MAGI1: variants seen among roughly 807,000 people sequenced by gnomAD.
MAGI1 encodes the protein membrane-associated guanylate kinase, WW and PDZ domain-containing protein 1.
MAGI1 carries 58 observed loss-of-function variants against 139.9 expected under a neutral mutation model. The observed-to-expected ratio is 0.41, with a 90% CI of 0.34 to 0.52. The LOEUF is 0.52. MAGI1 is among the 20% of genes least tolerant of loss of function. The pLI is 0.12. For missense variants in MAGI1, 1,874 were observed against 1,901.6 expected (o/e 0.99, Z 0.27); for synonymous variants, 812 against 737.9 (o/e 1.10, Z -1.63).
At chr3:65,670,459 G>A (rs1242232253) in intron 1 of MAGI1, among the ~76,000 whole-genome samples, 1 of 151,428 alleles carries the variant, frequency 6.6e-6, no homozygotes, top group South Asian at 2.1e-4. Context: ...CTTTTATGTA[G>A]GTTTCATGAA....
At chr3:65,820,036 C>A (rs2041859148) in intron 1 of MAGI1, among the ~76,000 whole-genome samples, 1 of 143,200 alleles carries the variant, frequency 7.0e-6, no homozygotes, top group African/African-American at 2.5e-5. Flanking sequence ...TCCCACTGGA[C>A]AACTGGGATG....
At chr3:65,524,272 T>A (rs1559636382) in intron 2 of MAGI1, among the ~76,000 whole-genome samples, 1 of 152,198 alleles carries the variant, frequency 6.6e-6, no homozygotes, top group Non-Finnish European at 1.5e-5. Flanking sequence ...CTGGAAACGA[T>A]GGAGTCTCTC....
chr3:65,532,255 TC>T (rs1208529588), intron 2 of MAGI1, among the ~76,000 whole-genome samples: 1 of 152,208 alleles, frequency 6.6e-6, no homozygotes, highest in Non-Finnish European at 1.5e-5. Flanking sequence ...TTCTCTATGA[TC>T]TCACTCCTGC....
intron 1 of MAGI1, among the ~76,000 whole-genome samples, chr3:65,744,219 A>G (rs2035505744): frequency 6.6e-6 from 1 of 152,230 alleles, no homozygotes; most frequent in African/African-American, 2.4e-5. Context: ...TTTCAGAACT[A>G]AATGCCCCAT....
intron 1 of MAGI1, among the ~76,000 whole-genome samples, chr3:65,976,192 A>C (rs1292700666): frequency 6.6e-6 from 1 of 152,246 alleles, no homozygotes; most frequent in Admixed American, 6.5e-5. Flanking sequence ...ACATAAGATG[A>C]TATTGTAAAA....
intron 2 of MAGI1, among the ~76,000 whole-genome samples, chr3:65,542,332 T>C (rs2079272705): frequency 6.6e-6 from 1 of 152,140 alleles, no homozygotes; most frequent in Admixed American, 6.5e-5. Context: ...ATCGTGAAAA[T>C]GGCCATACTT....
At chr3:65,511,062 T>C (rs1442298039) in intron 2 of MAGI1, among the ~76,000 whole-genome samples, 33 of 147,592 alleles carry the variant, frequency 2.2e-4, no homozygotes, top group Non-Finnish European at 4.2e-4. Flanking sequence ...CTAAGCTTCA[T>C]AAGTGAAGGA....
intron 2 of MAGI1, among the ~76,000 whole-genome samples, chr3:65,609,444 A>AT (rs1218021784): frequency 6.6e-6 from 1 of 150,646 alleles, no homozygotes; most frequent in Admixed American, 6.6e-5. Context: ...TGCCCAATTA[A>AT]TTTTTTGTAT....
chr3:65,509,167 G>GTTTT, intron 2 of MAGI1, among the ~76,000 whole-genome samples: 1 of 5,918 alleles, frequency 1.7e-4, no homozygotes, highest in Middle Eastern at 0.5. Context: ...GCCTCCAATG[G>GTTTT]GTTGTTTCAA....
intron 1 of MAGI1, among the ~76,000 whole-genome samples, chr3:66,015,702 T>C (rs942856853): frequency 3.3e-5 from 5 of 151,842 alleles, no homozygotes; most frequent in Non-Finnish European, 7.4e-5. Context: ...AAATGTCTAG[T>C]AGCTTAATTT....
chr3:65,491,902 T>C (rs1048663988), intron 3 of MAGI1, among the ~76,000 whole-genome samples: 2 of 152,254 alleles, frequency 1.3e-5, no homozygotes, highest in African/African-American at 2.4e-5. Flanking sequence ...TATTCACAAT[T>C]TGGAAAGGAG....
chr3:65,841,458 T>TC (rs1357223030), intron 1 of MAGI1, among the ~76,000 whole-genome samples: 1 of 151,742 alleles, frequency 6.6e-6, no homozygotes, highest in African/African-American at 2.4e-5. Flanking sequence ...TTTTTGTTTT[T>TC]TTTTTGAGAT....
intron 6 of MAGI1, among the ~76,000 whole-genome samples, chr3:65,449,544 G>A (rs1394807330): frequency 2.0e-5 from 3 of 152,150 alleles, no homozygotes; most frequent in African/African-American, 4.8e-5. Context: ...GGAGGCCAAA[G>A]TGGGTGGATC....
chr3:65,980,589 G>C (rs1213323395), intron 1 of MAGI1, among the ~76,000 whole-genome samples: 1 of 146,624 alleles, frequency 6.8e-6, no homozygotes, highest in African/African-American at 2.5e-5. Flanking sequence ...AGGCAAGATA[G>C]AGAAGTCATT....
At chr3:65,899,758 C>G (rs2108615582) in intron 1 of MAGI1, among the ~76,000 whole-genome samples, 1 of 152,330 alleles carries the variant, frequency 6.6e-6, no homozygotes, top group East Asian at 1.9e-4. Context: ...ATATATACTT[C>G]TGCTAACTTG....
At chr3:65,971,164 C>G (rs1178732901) in intron 1 of MAGI1, among the ~76,000 whole-genome samples, 1 of 152,224 alleles carries the variant, frequency 6.6e-6, no homozygotes, top group Non-Finnish European at 1.5e-5. Flanking sequence ...GATTGTGCCA[C>G]TGCACTCCAG....
At chr3:65,637,154 G>A (rs781218520) in intron 1 of MAGI1, among the ~76,000 whole-genome samples, 20 of 152,106 alleles carry the variant, frequency 1.3e-4, no homozygotes, top group Non-Finnish European at 2.4e-4. Flanking sequence ...CCAGGGGTTG[G>A]GTAAACATAT....
intron 1 of MAGI1, among the ~76,000 whole-genome samples, chr3:65,925,642 ATAG>A (rs957721763): frequency 1.3e-5 from 2 of 152,202 alleles, no homozygotes; most frequent in Non-Finnish European, 2.9e-5. Context: ...TCTCAAAAAA[ATAG>A]TAATAGCTCT....
chr3:65,824,786 A>G (rs2042136931), intron 1 of MAGI1, among the ~76,000 whole-genome samples: 1 of 152,218 alleles, frequency 6.6e-6, no homozygotes, highest in South Asian at 2.1e-4. Flanking sequence ...CTTGCCTACC[A>G]ATAATTTAAC....
Sources: gnomAD v4.1 joint callset for allele counts (sites outside exome capture counted in the v4.1 genomes callset) on GRCh38, gnomAD v4.1.1 for gene constraint, MANE v1.5 for transcripts, NCBI Gene and HGNC (gene_info 2026-07-23, HGNC 2026-07-21) for gene names.